The following KLHL3 variants were observed in gnomAD, a reference collection of about 807,000 sequenced individuals.
KLHL3 encodes the protein kelch like family member 3.
A neutral mutation model predicts 70.5 loss-of-function variants in KLHL3; 19 were observed. That is an observed-to-expected ratio of 0.27 (90% CI 0.19 to 0.40). KLHL3 has a LOEUF of 0.40. Among genes scored for constraint, KLHL3 ranks in the 10% least tolerant of loss-of-function variants. The pLI, the probability that KLHL3 is intolerant of heterozygous loss-of-function variation, is 1.00. For synonymous variants in KLHL3, 258 were observed against 290.3 expected (o/e 0.89, Z 1.13); for missense variants, 512 against 771.1 (o/e 0.66, Z 3.98).
chr5:137,731,046 G>A (rs1353161544), intron 1 of KLHL3, among the ~76,000 whole-genome samples: 1 of 151,462 alleles, frequency 6.6e-6, no homozygotes. Flanking sequence ...AAATAGGTCA[G>A]TTTGATGATG....
chr5:137,726,942 A>C (rs1463579003), intron 1 of KLHL3, among the ~76,000 whole-genome samples: 1 of 152,140 alleles, frequency 6.6e-6, no homozygotes, highest in Non-Finnish European at 1.5e-5. Context: ...TATAAATAAA[A>C]ATATATAAGC....
chr5:137,735,041 T>C (rs189689598), intron 1 of KLHL3, among the ~76,000 whole-genome samples: 32 of 152,298 alleles, frequency 2.1e-4, no homozygotes, highest in African/African-American at 6.7e-4. Flanking sequence ...AACTTTTCAA[T>C]ACAAATATGA....
chr5:137,651,229 T>C (rs1310532541), intron 8 of KLHL3, among the ~76,000 whole-genome samples: 1 of 152,246 alleles, frequency 6.6e-6, no homozygotes, highest in African/African-American at 2.4e-5. Flanking sequence ...CCTGCTGCCA[T>C]GGAACCTACA....
intron 3 of KLHL3, among the ~76,000 whole-genome samples, chr5:137,704,884 G>C (rs999155174): frequency 1.3e-5 from 2 of 152,166 alleles, no homozygotes; most frequent in Non-Finnish European, 2.9e-5. Context: ...GGTATGATAG[G>C]GACAGGAAGA....
intron 1 of KLHL3, among the ~76,000 whole-genome samples, chr5:137,734,090 G>A (rs543416513): frequency 1.3e-5 from 2 of 152,296 alleles, no homozygotes; most frequent in South Asian, 4.1e-4. Context: ...CACAGAACTG[G>A]GAACACAGTG....
chr5:137,681,571 C>T (rs1416995543), intron 5 of KLHL3, among the ~76,000 whole-genome samples: 1 of 152,090 alleles, frequency 6.6e-6, no homozygotes, highest in Non-Finnish European at 1.5e-5. Flanking sequence ...GCTCTGCAGG[C>T]TCTTGGAGAT....
intron 3 of KLHL3, among the ~76,000 whole-genome samples, chr5:137,700,909 T>C (rs1334009506): frequency 6.6e-6 from 1 of 152,242 alleles, no homozygotes; most frequent in Non-Finnish European, 1.5e-5. Context: ...TAGTCACTAC[T>C]GTATACCTGA....
intron 7 of KLHL3, among the ~76,000 whole-genome samples, chr5:137,660,290 G>A (rs1751440230): frequency 6.6e-6 from 1 of 152,172 alleles, no homozygotes; most frequent in Non-Finnish European, 1.5e-5. Flanking sequence ...GCCTGATGAA[G>A]TTTGTGACCA....
intron 4 of KLHL3, among the ~76,000 whole-genome samples, chr5:137,697,500 C>T (rs1752474217): frequency 6.6e-6 from 1 of 152,094 alleles, no homozygotes; most frequent in Admixed American, 6.5e-5. Context: ...CCAACATCAC[C>T]CTTGACCTAA....
intron 6 of KLHL3, chr5:137,672,885 C>A (rs1277939429): frequency 6.6e-6 from 1 of 152,234 alleles, no homozygotes. Flanking sequence ...ATAAACATGC[C>A]GTCAGCTCAC....
At chr5:137,632,168 T>C (rs1338146639) in intron 12 of KLHL3, among the ~76,000 whole-genome samples, 3 of 152,150 alleles carry the variant, frequency 2.0e-5, no homozygotes, top group African/African-American at 7.2e-5. Flanking sequence ...CTAAAGTTTA[T>C]ACAGAACCAA....
rs188330586 is a variant in KLHL3, at chr5:137,698,833, C to A, written c.242-425G>T. On this transcript the variant is annotated intron_variant, in intron 3 of 14. Coordinates refer to ENST00000309755, the MANE Select transcript of KLHL3 (RefSeq NM_017415.3). The stretch of plus-strand genomic sequence containing the variant: ...GATAAGAGCTTAGTAGACAGTTATA[C>A]ACAAAGTATTGTGATAACAACAATA... Among the ~76,000 whole-genome samples the A allele has an allele frequency of 1.3e-4, 20 of 152,356 alleles. 1 individual carries two copies. The East Asian group carries it at 2.7e-3, about 21-fold the overall frequency.
chr5:137,731,564 C>T (rs1315532547), intron 1 of KLHL3, among the ~76,000 whole-genome samples: 1 of 152,092 alleles, frequency 6.6e-6, no homozygotes, highest in Non-Finnish European at 1.5e-5. Flanking sequence ...TAGATGAGCT[C>T]CTTTTGCTCA....
chr5:137,722,237 T>C (rs1346679401), intron 1 of KLHL3, among the ~76,000 whole-genome samples: 2 of 152,202 alleles, frequency 1.3e-5, no homozygotes, highest in African/African-American at 2.4e-5. Context: ...TTCGTAACTA[T>C]TGGAACATTC....
chr5:137,733,503 G>T (rs1461085376), intron 1 of KLHL3, among the ~76,000 whole-genome samples: 2 of 152,182 alleles, frequency 1.3e-5, no homozygotes, highest in African/African-American at 4.8e-5. Context: ...CAAGTCTGGG[G>T]ACTGCTAAGA....
chr5:137,644,393 T>TAC (rs559122562), intron 8 of KLHL3, among the ~76,000 whole-genome samples: 14 of 152,218 alleles, frequency 9.2e-5, no homozygotes, highest in Non-Finnish European at 1.9e-4. Context: ...ATAGTATATA[T>TAC]ACCTCATTTT....
chr5:137,678,184 G>A (rs923105203), intron 5 of KLHL3, among the ~76,000 whole-genome samples: 2 of 152,122 alleles, frequency 1.3e-5, no homozygotes, highest in African/African-American at 4.8e-5. Context: ...GTGAGTCTCT[G>A]GTTCATGAGG....
chr5:137,686,631 G>A (rs1043592774), intron 5 of KLHL3, among the ~76,000 whole-genome samples: 1 of 152,196 alleles, frequency 6.6e-6, no homozygotes, highest in African/African-American at 2.4e-5. Flanking sequence ...CTGCACCCCT[G>A]CACTTACAGT....
chr5:137,709,683 C>A (rs1580779404), intron 3 of KLHL3, 67 bp downstream of exon 3: 1 of 1,263,076 alleles, frequency 7.9e-7, no homozygotes, highest in Non-Finnish European at 1.2e-6. Flanking sequence ...CATGTCACCA[C>A]CCCCAACATT....
Sources: gnomAD v4.1 joint callset for allele counts (sites outside exome capture counted in the v4.1 genomes callset) on GRCh38, gnomAD v4.1.1 for gene constraint, MANE v1.5 for transcripts, NCBI Gene and HGNC (gene_info 2026-07-23, HGNC 2026-07-21) for gene names.